Variants in FHIT observed in about 807,000 individuals in gnomAD.
FHIT encodes the protein fragile histidine triad diadenosine triphosphatase.
FHIT carries 19 observed loss-of-function variants against 17.9 expected under a neutral mutation model. That is an observed-to-expected ratio of 1.06 (90% CI 0.74 to 1.56). FHIT has a LOEUF of 1.56. Among genes scored for constraint, FHIT ranks in the 40% most tolerant of loss-of-function variants. The pLI is 0.00. For synonymous variants in FHIT, 81 were observed against 69.7 expected, an observed-to-expected ratio of 1.16 and a Z score of -0.81; for missense variants, 248 against 189.2, an observed-to-expected ratio of 1.31 and a Z score of -1.82.
At chr3:60,659,420 C>A (rs1051466920) in intron 4 of FHIT, among the ~76,000 whole-genome samples, 1 of 151,258 alleles carries the variant, frequency 6.6e-6, no homozygotes, top group South Asian at 2.1e-4. Flanking sequence ...GTATGTTGGT[C>A]TGCTTCATGG....
chr3:61,071,445 A>T (rs1258238804), intron 2 of FHIT, among the ~76,000 whole-genome samples: 1 of 152,210 alleles, frequency 6.6e-6, no homozygotes, highest in African/African-American at 2.4e-5. Flanking sequence ...CTAAAGATAT[A>T]TCATGTGTGG....
intron 8 of FHIT, among the ~76,000 whole-genome samples, chr3:59,849,209 T>G (rs372677935): frequency 6.6e-6 from 1 of 151,962 alleles, no homozygotes; most frequent in Non-Finnish European, 1.5e-5. Context: ...CATGGCTCCA[T>G]TAAAAATACA....
chr3:60,800,983 G>A (rs1383110967), intron 4 of FHIT, among the ~76,000 whole-genome samples: 1 of 152,108 alleles, frequency 6.6e-6, no homozygotes, highest in Admixed American at 6.6e-5. Flanking sequence ...TGGGTGTGTT[G>A]ACCCACTAAT....
chr3:60,941,506 C>T (rs1708405814), intron 3 of FHIT, among the ~76,000 whole-genome samples: 1 of 152,182 alleles, frequency 6.6e-6, no homozygotes, highest in African/African-American at 2.4e-5. Flanking sequence ...CGGAGGTCCC[C>T]TCTGCTCTCC....
chr3:60,888,250 A>G (rs1310993638), intron 3 of FHIT, among the ~76,000 whole-genome samples: 1 of 152,210 alleles, frequency 6.6e-6, no homozygotes, highest in Non-Finnish European at 1.5e-5. Context: ...CATTTTCTCC[A>G]ACTCCATTCA....
At chr3:60,165,348 A>C (rs902156286) in intron 5 of FHIT, among the ~76,000 whole-genome samples, 4 of 152,200 alleles carry the variant, frequency 2.6e-5, no homozygotes, top group African/African-American at 9.6e-5. Flanking sequence ...TTAAATCTCC[A>C]GTGCCTTCAG....
intron 4 of FHIT, among the ~76,000 whole-genome samples, chr3:60,729,357 C>CA (rs2041981973): frequency 6.6e-6 from 1 of 152,050 alleles, no homozygotes; most frequent in Non-Finnish European, 1.5e-5. Flanking sequence ...GAAAGTTACG[C>CA]AAAAAATAAA....
intron 5 of FHIT, among the ~76,000 whole-genome samples, chr3:60,517,325 T>C (rs979364319): frequency 6.6e-6 from 1 of 152,238 alleles, no homozygotes; most frequent in African/African-American, 2.4e-5. Flanking sequence ...ATGCAATACA[T>C]GTAAAATTCT....
chr3:59,860,709 T>A (rs114946113), intron 8 of FHIT, among the ~76,000 whole-genome samples: 132 of 152,244 alleles, frequency 8.7e-4, no homozygotes, highest in African/African-American at 3.0e-3. Flanking sequence ...AACATCTACA[T>A]AAATAGTTCT....
intron 4 of FHIT, among the ~76,000 whole-genome samples, chr3:60,664,885 C>A (rs1373172873): frequency 9.2e-5 from 14 of 151,736 alleles, no homozygotes; most frequent in African/African-American, 3.4e-4. Context: ...AGTAGTTTAT[C>A]AATTGTATTA....
chr3:60,260,694 T>A (rs1242982226), intron 5 of FHIT, among the ~76,000 whole-genome samples: 2 of 152,058 alleles, frequency 1.3e-5, no homozygotes, highest in African/African-American at 4.8e-5. Context: ...CCTACTGGGC[T>A]GTATTTCCAG....
intron 3 of FHIT, among the ~76,000 whole-genome samples, chr3:60,855,821 C>T (rs1703357875): frequency 6.6e-6 from 1 of 152,044 alleles, no homozygotes; most frequent in Admixed American, 6.6e-5. Context: ...CTCTCTCCAG[C>T]CCTAAGGAAC....
intron 3 of FHIT, among the ~76,000 whole-genome samples, chr3:60,956,287 A>C (rs1709155995): frequency 6.6e-6 from 1 of 152,184 alleles, no homozygotes; most frequent in Admixed American, 6.5e-5. Context: ...AGGATTCTGG[A>C]TGAGGAATTA....
In FHIT at chr3:61,047,463, T is replaced by A. The variant is rs530187997; in HGVS notation, c.-163-5364A>T. The stretch of plus-strand genomic sequence containing the variant: ...CTCTTCAAGGAGAACTACAAACCAC[T>A]GCTCAACGAAATAAAAGAGGACACA... On this transcript the variant is annotated intron_variant, in intron 2 of 9. Coordinates refer to ENST00000492590, the MANE Select transcript of FHIT (RefSeq NM_002012.4). Among the ~76,000 whole-genome samples, 307 of 152,240 alleles carry A rather than the reference T, an allele frequency of 2.0e-3. 2 individuals carry two copies. Among genetic ancestry groups the A allele is most frequent in the African/African-American group, 7.0e-3 (291 of 41,540 alleles).
chr3:61,152,490 CT>C (rs1161181389), intron 2 of FHIT, among the ~76,000 whole-genome samples: 3 of 152,080 alleles, frequency 2.0e-5, no homozygotes, highest in Non-Finnish European at 2.9e-5. Context: ...CAAAAATAAG[CT>C]TTTTTTAATA....
chr3:60,080,902 G>C lies in FHIT; in HGVS notation c.104-66750C>G, dbSNP rs140968431. 19 of 152,302 alleles carry C rather than the reference G, an allele frequency of 1.2e-4. 1 individual carries two copies. In the East Asian group the frequency reaches 3.7e-3, roughly 29 times the overall value. 9.4% of individuals were successfully genotyped at this position (152,302 alleles called of 1,614,324 possible). ...GTTCTTGTGACCTTGCCAGGAAAGA[G>C]GAGGAGTGAAAGAGAGGGCTAGAGT... On this transcript the variant is annotated intron_variant, in intron 5 of 9. Coordinates refer to ENST00000492590, the MANE Select transcript of FHIT (RefSeq NM_002012.4).
intron 5 of FHIT, among the ~76,000 whole-genome samples, chr3:60,056,108 G>T (rs1702069707): frequency 6.6e-6 from 1 of 152,196 alleles, no homozygotes; most frequent in Non-Finnish European, 1.5e-5. Flanking sequence ...AATGCCAAGA[G>T]CATTATGCAG....
At chr3:60,494,501 T>C (rs1306917339) in intron 5 of FHIT, among the ~76,000 whole-genome samples, 4 of 152,126 alleles carry the variant, frequency 2.6e-5, no homozygotes, top group Admixed American at 6.5e-5. Flanking sequence ...TATTTCAAAA[T>C]GTACAATTAA....
chr3:61,052,190 C>T (rs1382008541), intron 2 of FHIT, among the ~76,000 whole-genome samples: 1 of 152,190 alleles, frequency 6.6e-6, no homozygotes, highest in Non-Finnish European at 1.5e-5. Flanking sequence ...GCACCAAGTA[C>T]CACACTCGTG....
Sources: allele counts gnomAD v4.1 joint callset (sites outside exome capture counted in the v4.1 genomes callset), GRCh38; gene constraint gnomAD v4.1.1; transcripts MANE v1.5; gene names NCBI Gene and HGNC (gene_info 2026-07-23, HGNC 2026-07-21).